IMMP1L: variants seen among roughly 807,000 people sequenced by gnomAD.
IMMP1L encodes the protein mitochondrial inner membrane protease subunit 1.
IMMP1L carries 24 observed loss-of-function variants against 21.8 expected under a neutral mutation model. That is an observed-to-expected ratio of 1.10 (90% confidence interval 0.80 to 1.55). IMMP1L has a LOEUF of 1.55. IMMP1L is among the 40% of genes most tolerant of loss of function. The pLI, the probability that IMMP1L is intolerant of heterozygous loss-of-function variation, is 0.00. For missense variants in IMMP1L, 195 were observed against 200.7 expected (o/e 0.97, Z 0.17); for synonymous variants, 46 against 62.8 (o/e 0.73, Z 1.26).
chr11:31,459,763 A>G (rs1207402821), intron 3 of IMMP1L, among the ~76,000 whole-genome samples: 2 of 152,164 alleles, frequency 1.3e-5, no homozygotes, highest in Non-Finnish European at 2.9e-5. Context: ...AGTGACACAC[A>G]ATATTTGCCC....
At chr11:31,490,971 A>G (rs1565007721) in intron 1 of IMMP1L, among the ~76,000 whole-genome samples, 1 of 152,220 alleles carries the variant, frequency 6.6e-6, no homozygotes. Context: ...AAGGAATAAC[A>G]TGACACCATA....
intron 4 of IMMP1L, chr11:31,437,273 AC>A (rs1335236132): frequency 5.9e-6 from 2 of 338,256 alleles, no homozygotes; most frequent in East Asian, 1.5e-4. Flanking sequence ...TGTTTCATAT[AC>A]ACCTCATATA....
intron 4 of IMMP1L, among the ~76,000 whole-genome samples, chr11:31,445,662 T>G (rs548091950): frequency 6.6e-6 from 1 of 152,320 alleles, no homozygotes; most frequent in South Asian, 2.1e-4. Context: ...CCCAGCAGAT[T>G]ATTTAGAATA....
chr11:31,497,460 CTTT>C (rs796666845), intron 1 of IMMP1L, among the ~76,000 whole-genome samples: 1 of 123,982 alleles, frequency 8.1e-6, no homozygotes. Context: ...TATTTCTTTT[CTTT>C]TTTTTTTTTT....
chr11:31,485,474 C>T (rs550184727), intron 1 of IMMP1L, among the ~76,000 whole-genome samples: 9 of 151,868 alleles, frequency 5.9e-5, no homozygotes, highest in South Asian at 2.1e-4. Context: ...AGACAGAAAT[C>T]GGTCTGAGGT....
intron 4 of IMMP1L, among the ~76,000 whole-genome samples, chr11:31,442,928 T>C (rs1022745804): frequency 7.2e-5 from 11 of 152,194 alleles, no homozygotes; most frequent in African/African-American, 2.7e-4. Context: ...AGATTTTATT[T>C]TGTGTCTAAT....
Position 31,460,080 on chromosome 11 carries a change from C to CTAAGGGG in IMMP1L, c.194+545_194+546insCCCCTTA, listed in dbSNP as rs1397876708. On this transcript the variant is annotated intron_variant, in intron 3 of 5. Transcript: ENST00000532287. ...GACTAAGGGGAAGGATCACTGGAGC[C>CTAAGGGG]CAGGAGGTTGAGGCTGCAGGGAGCT... Among the ~76,000 whole-genome samples, 25 of 152,030 alleles carry CTAAGGGG rather than the reference C, an allele frequency of 1.6e-4. No homozygotes were observed. In the East Asian group the frequency reaches 4.7e-3, roughly 28 times the overall value.
intron 1 of IMMP1L, among the ~76,000 whole-genome samples, chr11:31,508,379 G>A (rs1955859046): frequency 6.6e-6 from 1 of 152,086 alleles, no homozygotes. Flanking sequence ...ACAAGATTAA[G>A]TCCAAACAGA....
chr11:31,432,672 CTT>C, intron 5 of IMMP1L, 104 bp from the exon 6 acceptor site: 1 of 744,096 alleles, frequency 1.3e-6, no homozygotes, highest in South Asian at 1.6e-5. Flanking sequence ...CAGATAAACA[CTT>C]TCTCCTTACT....
At chr11:31,446,546 C>G (rs540498963) in intron 4 of IMMP1L, among the ~76,000 whole-genome samples, 3 of 152,170 alleles carry the variant, frequency 2.0e-5, no homozygotes, top group Non-Finnish European at 4.4e-5. Context: ...TAACAGACTA[C>G]CATGCTTGGC....
intron 1 of IMMP1L, among the ~76,000 whole-genome samples, chr11:31,483,104 A>C (rs1954956461): frequency 6.6e-6 from 1 of 152,046 alleles, no homozygotes; most frequent in Non-Finnish European, 1.5e-5. Flanking sequence ...AAAAACAAGA[A>C]AAATGAATCT....
intron 1 of IMMP1L, among the ~76,000 whole-genome samples, chr11:31,495,792 G>A (rs1955412207): frequency 6.6e-6 from 1 of 151,974 alleles, no homozygotes; most frequent in Admixed American, 6.6e-5. Flanking sequence ...TTCAACACAT[G>A]GTATTGAGAA....
chr11:31,457,117 G>C (rs1325670235), intron 3 of IMMP1L, among the ~76,000 whole-genome samples: 1 of 151,914 alleles, frequency 6.6e-6, no homozygotes, highest in Non-Finnish European at 1.5e-5. Flanking sequence ...ATGATAGCAT[G>C]TAAGTCCTAT....
intron 1 of IMMP1L, among the ~76,000 whole-genome samples, chr11:31,490,011 T>C (rs1223100): frequency 0.36 from 54,868 of 152,028 alleles, 12,134 homozygotes; most frequent in African/African-American, 0.63. Context: ...GGAAATCTAA[T>C]CTCACATCTA....
At chr11:31,471,572 T>C (rs1954551990) in intron 1 of IMMP1L, among the ~76,000 whole-genome samples, 2 of 152,100 alleles carry the variant, frequency 1.3e-5, no homozygotes, top group Non-Finnish European at 2.9e-5. Context: ...GGCCGACAGA[T>C]TGGGTTTTCA....
intron 1 of IMMP1L, among the ~76,000 whole-genome samples, chr11:31,492,559 A>G (rs1252848946): frequency 6.6e-6 from 1 of 152,212 alleles, no homozygotes. Context: ...TCAGCTTTCA[A>G]CAAGCCTTCC....
intron 1 of IMMP1L, among the ~76,000 whole-genome samples, chr11:31,494,317 GCTTGCACC>G (rs1955357752): frequency 6.6e-6 from 1 of 152,226 alleles, no homozygotes; most frequent in Non-Finnish European, 1.5e-5. Context: ...AAGGCTTGGG[GCTTGCACC>G]CTCTGAAGCA....
chr11:31,446,512 C>T (rs1953527415), intron 4 of IMMP1L, among the ~76,000 whole-genome samples: 1 of 152,178 alleles, frequency 6.6e-6, no homozygotes, highest in South Asian at 2.1e-4. Context: ...CTTTGAGCTC[C>T]TGGGTTCAAG....
Position 31,452,814 on chromosome 11 carries a change from G to A in IMMP1L, c.321+3446C>T, listed in dbSNP as rs964594935. ...TGCCCAGGCTGCAGTGCAGTGGCGC[G>A]ATCTCGGCTCACTGCAACCTCCACC... On this transcript the variant is annotated intron_variant, in intron 4 of 5. Coordinates refer to ENST00000532287, the MANE Select transcript of IMMP1L (RefSeq NM_001304274.2). 1.4e-5 allele frequency: 13 copies of A among 911,914 alleles called. No homozygotes were observed. In the African/African-American group the frequency reaches 1.5e-4, roughly 10 times the overall value. The allele number at this position is 911,914 out of a possible 1,614,324, so 56.5% of individuals were successfully genotyped here. A position where few individuals can be genotyped will look rare whatever the true frequency, so the allele number is the denominator to read the frequency against.
Sources: allele counts gnomAD v4.1 joint callset (sites outside exome capture counted in the v4.1 genomes callset), GRCh38; gene constraint gnomAD v4.1.1; transcripts MANE v1.5; gene names NCBI Gene and HGNC (gene_info 2026-07-23, HGNC 2026-07-21).